Variants in KDR observed in about 807,000 individuals in gnomAD.
The protein encoded by KDR is vascular endothelial growth factor receptor 2.
KDR carries 43 observed loss-of-function variants against 160.9 expected under a neutral mutation model. That is an observed-to-expected ratio of 0.27 (90% CI 0.21 to 0.34). The LOEUF (loss-of-function observed/expected upper bound fraction) is 0.34, where lower values mean the gene tolerates loss of function less well. Ranked by LOEUF, KDR falls within the 10% of genes least tolerant of loss-of-function variation. The probability of loss-of-function intolerance (pLI) is 1.00; values close to 1 mark genes in which losing one functional copy is unlikely to be tolerated. For synonymous variants in KDR, 617 were observed against 600.1 expected (o/e 1.03, Z -0.41); for missense variants, 1,469 against 1,666.4 (o/e 0.88, Z 2.06).
intron 9 of KDR, among the ~76,000 whole-genome samples, chr4:55,108,556 C>T (rs988073492): frequency 2.0e-5 from 3 of 152,132 alleles, no homozygotes; most frequent in Non-Finnish European, 4.4e-5. Flanking sequence ...AGTTAACGAA[C>T]GGCAAAACCT....
At chr4:55,085,744 A>T (rs542764764) in intron 27 of KDR, among the ~76,000 whole-genome samples, 1 of 152,318 alleles carries the variant, frequency 6.6e-6, no homozygotes, top group East Asian at 1.9e-4. Context: ...GGCTGGAAAA[A>T]CCAATTCAAA....
intron 22 of KDR, among the ~76,000 whole-genome samples, chr4:55,091,045 G>A (rs1156895787): frequency 1.3e-5 from 2 of 151,914 alleles, no homozygotes; most frequent in Admixed American, 6.6e-5. Flanking sequence ...TAGAGACGGG[G>A]TTTCACCATG....
intron 24 of KDR, 90 bp downstream of exon 24, chr4:55,089,601 G>C: frequency 7.4e-7 from 1 of 1,359,152 alleles, no homozygotes; most frequent in Non-Finnish European, 1.1e-6. Context: ...GAGAAGTTTT[G>C]CCTGATAGAC....
Position 55,098,877 on chromosome 4 carries a change from G to A in KDR, c.2267-74C>T, listed in dbSNP as rs1560517244. On this transcript the variant is annotated intron_variant, in intron 15 of 29. Transcript: ENST00000263923. ...TTTGTTTGTAAGATGACAAATTTTA[G>A]CACTAAAGCAAAATCCCAAGCTTAC... is the stretch of plus-strand genomic sequence containing the variant. 1.1e-5 allele frequency: 13 copies of A among 1,135,104 alleles called. No homozygotes were observed. In the Middle Eastern group the frequency reaches 7.8e-4, roughly 68 times the overall value. The allele number at this position is 1,135,104 out of a possible 1,614,324, so 70.3% of individuals were successfully genotyped here.
rs2110027384 is a variant in KDR, at chr4:55,110,482, G to C, written c.1176C>G (p.Asp392Glu). 7 of 1,613,852 alleles carry C rather than the reference G, an allele frequency of 4.3e-6. No individual in the cohort carries two copies. Among genetic ancestry groups the C allele is most frequent in the Non-Finnish European group, 5.9e-6 (7 of 1,179,834 alleles). The change falls in exon 9 of 30, where the codon GAC (aspartate) becomes GAG (glutamate). Residue 392 changes from aspartate (D) to glutamate (E), a missense_variant. Physicochemically the swap from Asp to Glu is conservative, Grantham distance 45. Transcript: ENST00000263923. ...TAAGGATGACAGTGTAATTTCCTGT[G>C]TCTCTTTCACTCACTTCCATAATCG... ...VLTIMEVSER[D>E]TGNYTVILTN...
intron 2 of KDR, among the ~76,000 whole-genome samples, chr4:55,120,175 A>G (rs1720833496): frequency 6.6e-6 from 1 of 152,324 alleles, no homozygotes; most frequent in East Asian, 1.9e-4. Context: ...ACTGCAGTCT[A>G]AAATAGATGT....
At chr4:55,119,681 C>T (rs1170829192) in intron 2 of KDR, among the ~76,000 whole-genome samples, 8 of 152,062 alleles carry the variant, frequency 5.3e-5, no homozygotes, top group Admixed American at 5.2e-4. Flanking sequence ...AGCCAGGAAA[C>T]CAGAGCAGCC....
chr4:55,114,768 T>C, intron 5 of KDR, 106 bp downstream of exon 5: 1 of 1,011,374 alleles, frequency 9.9e-7, no homozygotes, highest in Admixed American at 1.8e-5. Context: ...CACCATATCC[T>C]GAGTTCCTAT....
chr4:55,110,876 C>T (rs2110028471), intron 7 of KDR, 108 bp from the exon 8 acceptor site: 1 of 855,284 alleles, frequency 1.2e-6, no homozygotes, highest in South Asian at 1.6e-5. Context: ...TGAGTAGCTG[C>T]AGTTCCAAGA....
chr4:55,114,296 T>C (rs1560522847), intron 5 of KDR, 31 bp from the exon 6 acceptor site: 9 of 1,608,044 alleles, frequency 5.6e-6, no homozygotes, highest in African/African-American at 1.3e-5. Context: ...AAACAGAACA[T>C]GAGAGAGCAA....
chr4:55,079,938 CT>C lies in KDR; in HGVS notation c.*2del, dbSNP rs2110003543. On this transcript the variant is annotated 3_prime_UTR_variant, in exon 30 of 30. Transcript: ENST00000263923. ...CAGGAGTTGGGGGTGTGGATGCTTC[CT>C]TTTAAACAGGAGGAGAGCTCAGTGT... 6.2e-7 allele frequency: 1 copy of C among 1,613,654 alleles called. No individual in the cohort carries two copies.
chr4:55,115,806 A>G (rs1297937651), intron 3 of KDR, among the ~76,000 whole-genome samples: 1 of 152,224 alleles, frequency 6.6e-6, no homozygotes, highest in Non-Finnish European at 1.5e-5. Context: ...AGTTAAATCT[A>G]TACACTTTAC....
chr4:55,100,455 T>C (rs1720281603), intron 15 of KDR, among the ~76,000 whole-genome samples: 2 of 152,184 alleles, frequency 1.3e-5, no homozygotes, highest in South Asian at 4.1e-4. Flanking sequence ...TAGCTCTGCC[T>C]TTCTTAGCAT....
chr4:55,088,871 C>A lies in KDR; in HGVS notation c.3507G>T (p.Gln1169His). The A allele has an allele frequency of 6.2e-7, 1 of 1,612,350 alleles. No homozygotes were observed. Among genetic ancestry groups the A allele is most frequent in the Non-Finnish European group, 8.5e-7 (1 of 1,178,390 alleles). ...TTCTTGGATGGAGGTGACAAACCTG[C>A]TGAGCATTAGCTTGCAAGAGATTTC... ...HLGNLLQANA[Q>H]QDGKDYIVLP... Residue 1169 changes from glutamine (Q) to histidine (H), a missense_variant, in exon 26 of 30, where the codon CAG (glutamine) becomes CAT (histidine). Physicochemically the swap from Gln to His is conservative, Grantham distance 24. This residue lies in a region of KDR where 132 missense variants were observed against 195.9 expected (regional missense o/e 0.67). Transcript: ENST00000263923.
rs1375902608 is a variant in KDR, at chr4:55,106,767, T to C, written c.1456A>G (p.Arg486Gly). ...CCTCCCTGGAAGTCCTCCACACTTC[T>C]CCATTCTTCACAAGGGTATGGGTTT... ...VTNPYPCEEW[R>G]SVEDFQGGNK... Residue 486 changes from arginine (R) to glycine (G), a missense_variant, in exon 11 of 30, where the codon AGA (arginine) becomes GGA (glycine). Arg to Gly is a moderately radical substitution (Grantham distance 125, BLOSUM62 -2). Transcript: ENST00000263923. 3 of 1,600,996 alleles carry C rather than the reference T, an allele frequency of 1.9e-6. No individual in the cohort carries two copies. The highest frequency in any genetic ancestry group is 2.6e-6 in the Non-Finnish European group (3 of 1,167,994).
At chr4:55,110,017 T>C (rs191452360) in intron 9 of KDR, among the ~76,000 whole-genome samples, 4 of 152,246 alleles carry the variant, frequency 2.6e-5, no homozygotes, top group African/African-American at 7.2e-5. Context: ...ACTAGAAGCT[T>C]TGCACAAAAT....
At chr4:55,087,506 T>A in intron 27 of KDR, 101 bp downstream of exon 27, 1 of 1,032,768 alleles carries the variant, frequency 9.7e-7, no homozygotes, top group Non-Finnish European at 1.5e-6. Flanking sequence ...GGAAGTGGGA[T>A]GCAACAGCCT....
rs150839759 is a variant in KDR at position 55,079,111 on chromosome 4, G to A, written c.*830C>T. ...TTGTGCAGTCAGAACTCTTCAACAC[G>A]GCAGGGAGCCTTGAGCTGAATGTCC... On this transcript the variant is annotated 3_prime_UTR_variant, in exon 30 of 30. Coordinates refer to ENST00000263923, the MANE Select transcript of KDR (RefSeq NM_002253.4). 4.5e-4 allele frequency: 104 copies of A among 233,304 alleles called. 1 individual carries two copies. Among genetic ancestry groups the A allele is most frequent in the Non-Finnish European group, 7.5e-4 (88 of 118,108 alleles). 14.5% of individuals were successfully genotyped at this position (233,304 alleles called of 1,614,324 possible).
chr4:55,094,702 G>T, intron 21 of KDR, 100 bp downstream of exon 21: 1 of 1,057,248 alleles, frequency 9.5e-7, no homozygotes, highest in Non-Finnish European at 1.5e-6. Flanking sequence ...TTATGAGGTA[G>T]TATTGGACTT....
Sources: gnomAD v4.1 joint callset for allele counts (sites outside exome capture counted in the v4.1 genomes callset) on GRCh38, gnomAD v4.1.1 for gene constraint, gnomAD v4.1.1 regional missense constraint, MANE v1.5 for transcripts, NCBI Gene and HGNC (gene_info 2026-07-23, HGNC 2026-07-21) for gene names.